HS3ST5: variants seen among roughly 807,000 people sequenced by gnomAD.
HS3ST5 encodes heparan sulfate glucosamine 3-O-sulfotransferase 5.
A neutral mutation model predicts 25.4 loss-of-function variants in HS3ST5; 10 were observed. The observed-to-expected ratio is 0.39, with a 90% CI of 0.24 to 0.67. The LOEUF (loss-of-function observed/expected upper bound fraction) is 0.67. Among genes scored for constraint, HS3ST5 ranks in the 30% least tolerant of loss-of-function variants. The pLI, the probability that HS3ST5 is intolerant of heterozygous loss-of-function variation, is 0.44. For synonymous variants in HS3ST5, 170 were observed against 162.4 expected, an observed-to-expected ratio of 1.05 and a Z score of -0.36; for missense variants, 324 against 420.7, an observed-to-expected ratio of 0.77 and a Z score of 2.01.
intron 3 of HS3ST5, among the ~76,000 whole-genome samples, chr6:114,077,720 C>G (rs1350398017): frequency 1.3e-5 from 2 of 152,104 alleles, no homozygotes; most frequent in Non-Finnish European, 1.5e-5. Flanking sequence ...ATTTTAAAAT[C>G]AAAGGTAGTA....
chr6:114,186,672 C>A (rs371091249), intron 2 of HS3ST5, among the ~76,000 whole-genome samples: 6 of 152,124 alleles, frequency 3.9e-5, no homozygotes, highest in South Asian at 2.1e-4. Flanking sequence ...AGATAATTAA[C>A]GAAGGTAGCT....
chr6:114,115,102 T>C (rs1410944915), intron 3 of HS3ST5, among the ~76,000 whole-genome samples: 2 of 152,130 alleles, frequency 1.3e-5, no homozygotes, highest in African/African-American at 4.8e-5. Flanking sequence ...AAAACCTATA[T>C]GAGGATATAT....
intron 1 of HS3ST5, among the ~76,000 whole-genome samples, chr6:114,230,795 G>T (rs1167345678): frequency 1.3e-5 from 2 of 151,518 alleles, no homozygotes; most frequent in African/African-American, 2.4e-5. Context: ...TCACCATGTT[G>T]GCCAGGCTGG....
chr6:114,196,341 G>A (rs1780753944), intron 2 of HS3ST5, among the ~76,000 whole-genome samples: 1 of 152,124 alleles, frequency 6.6e-6, no homozygotes, highest in South Asian at 2.1e-4. Flanking sequence ...AGGATTTTCT[G>A]TTTTGCCTAT....
At chr6:114,068,154 G>T (rs1773576741) in intron 3 of HS3ST5, among the ~76,000 whole-genome samples, 1 of 152,094 alleles carries the variant, frequency 6.6e-6, no homozygotes, top group Non-Finnish European at 1.5e-5. Context: ...AACTTTTAAT[G>T]GAAATTCTTA....
chr6:114,341,613 T>G (rs1776877751), intron 1 of HS3ST5, among the ~76,000 whole-genome samples: 2 of 134,908 alleles, frequency 1.5e-5, no homozygotes, highest in Non-Finnish European at 1.6e-5. Context: ...GCGTGTGTGT[T>G]GGGTGGGAAG....
chr6:114,085,986 C>A (rs932143428), intron 3 of HS3ST5, among the ~76,000 whole-genome samples: 1 of 122,192 alleles, frequency 8.2e-6, no homozygotes, highest in Non-Finnish European at 1.6e-5. Flanking sequence ...TATATCTGTT[C>A]TTTTATGGAC....
chr6:114,125,026 T>C (rs1776972685), intron 3 of HS3ST5, among the ~76,000 whole-genome samples: 1 of 152,184 alleles, frequency 6.6e-6, no homozygotes, highest in South Asian at 2.1e-4. Flanking sequence ...ATATCTTGGG[T>C]TGTCATTAAA....
chr6:114,198,682 GA>G (rs1269777227), intron 2 of HS3ST5, among the ~76,000 whole-genome samples: 1 of 152,162 alleles, frequency 6.6e-6, no homozygotes, highest in Non-Finnish European at 1.5e-5. Flanking sequence ...ATAAACTAAA[GA>G]AATAATTGTG....
intron 3 of HS3ST5, among the ~76,000 whole-genome samples, chr6:114,095,892 C>T (rs779968588): frequency 6.6e-5 from 10 of 152,124 alleles, no homozygotes; most frequent in Non-Finnish European, 1.3e-4. Context: ...GTCTCCTGTC[C>T]TATGCTCCTA....
intron 1 of HS3ST5, among the ~76,000 whole-genome samples, chr6:114,277,521 G>A (rs1356937072): frequency 6.6e-6 from 1 of 151,534 alleles, no homozygotes; most frequent in Non-Finnish European, 1.5e-5. Flanking sequence ...AATTATAACA[G>A]TCATAAATTT....
At chr6:114,282,723 T>C (rs571123773) in intron 1 of HS3ST5, among the ~76,000 whole-genome samples, 1 of 152,138 alleles carries the variant, frequency 6.6e-6, no homozygotes, top group South Asian at 2.1e-4. Context: ...CTCCTATCCT[T>C]TCTCCCTCCC....
At chr6:114,300,279 A>G (rs1368429602) in intron 1 of HS3ST5, among the ~76,000 whole-genome samples, 1 of 152,196 alleles carries the variant, frequency 6.6e-6, no homozygotes, top group Non-Finnish European at 1.5e-5. Flanking sequence ...AGAGTTTTGT[A>G]TATATAACAT....
intron 3 of HS3ST5, among the ~76,000 whole-genome samples, chr6:114,074,071 A>T (rs1002740475): frequency 2.0e-5 from 3 of 152,098 alleles, no homozygotes; most frequent in Admixed American, 1.3e-4. Context: ...GCATGTTCTC[A>T]CTCATAAGTG....
chr6:114,285,317 G>A (rs1041821476), intron 1 of HS3ST5, among the ~76,000 whole-genome samples: 6 of 151,774 alleles, frequency 4.0e-5, no homozygotes, highest in African/African-American at 1.2e-4. Flanking sequence ...GGAGGGAGAG[G>A]ATCAGAAAAA....
chr6:114,320,276 C>G (rs785139), intron 1 of HS3ST5, among the ~76,000 whole-genome samples: 100,295 of 151,916 alleles, frequency 0.66, 33,728 homozygotes, highest in African/African-American at 0.76. Context: ...ATTAAAGCCA[C>G]GCTAGGTGCC....
intron 1 of HS3ST5, among the ~76,000 whole-genome samples, chr6:114,293,964 G>C (rs1774699158): frequency 1.3e-5 from 2 of 152,262 alleles, no homozygotes; most frequent in South Asian, 4.2e-4. Context: ...GTACTTTCTG[G>C]AGTGCCTTGC....
intron 3 of HS3ST5, among the ~76,000 whole-genome samples, chr6:114,149,624 A>G (rs1778354769): frequency 6.6e-6 from 1 of 152,094 alleles, no homozygotes; most frequent in Non-Finnish European, 1.5e-5. Flanking sequence ...ACAAATACCT[A>G]ATGCATGTGG....
intron 1 of HS3ST5, among the ~76,000 whole-genome samples, chr6:114,263,836 T>TG (rs1773284889): frequency 6.6e-6 from 1 of 152,046 alleles, no homozygotes; most frequent in Admixed American, 6.5e-5. Flanking sequence ...ATGTCAATCA[T>TG]AGTAATTAAG....
Sources: allele counts gnomAD v4.1 joint callset (sites outside exome capture counted in the v4.1 genomes callset), GRCh38; gene constraint gnomAD v4.1.1; transcripts MANE v1.5; gene names NCBI Gene and HGNC (gene_info 2026-07-23, HGNC 2026-07-21).